The following ADGRV1 variants were observed in gnomAD, a reference collection of about 807,000 sequenced individuals.
The protein encoded by ADGRV1 is adhesion G protein-coupled receptor V1.
A neutral mutation model predicts 596.2 loss-of-function variants in ADGRV1; 359 were observed. That is an observed-to-expected ratio of 0.60 (90% CI 0.55 to 0.66). The LOEUF (loss-of-function observed/expected upper bound fraction) is 0.66. ADGRV1 is among the 30% of genes least tolerant of loss of function. The pLI, the probability that ADGRV1 is intolerant of heterozygous loss-of-function variation, is 0.00. For synonymous variants in ADGRV1, 2,681 were observed against 2,679.2 expected (o/e 1.00, Z -0.02); for missense variants, 7,274 against 7,575.6 (o/e 0.96, Z 1.48).
At chr5:90,909,956 T>C (rs996181324) in intron 83 of ADGRV1, among the ~76,000 whole-genome samples, 5 of 152,370 alleles carry the variant, frequency 3.3e-5, no homozygotes, top group African/African-American at 1.2e-4. Context: ...TCACCCCATG[T>C]GTCAGTTGGT....
chr5:91,078,377 A>T (rs1562187979), intron 86 of ADGRV1, among the ~76,000 whole-genome samples: 1 of 152,176 alleles, frequency 6.6e-6, no homozygotes, highest in Non-Finnish European at 1.5e-5. Context: ...GGTAAATAAA[A>T]TAAACTGTGT....
intron 67 of ADGRV1, 40 bp from the exon 68 acceptor site, chr5:90,788,031 T>C (rs1442044399): frequency 6.9e-7 from 1 of 1,441,796 alleles, no homozygotes; most frequent in Non-Finnish European, 9.2e-7. Flanking sequence ...TTAAAATTGA[T>C]CTCTATTAAA....
intron 45 of ADGRV1, 68 bp downstream of exon 45, chr5:90,721,127 T>C: frequency 2.9e-6 from 4 of 1,391,368 alleles, no homozygotes; most frequent in Non-Finnish European, 3.0e-6. Context: ...AGATTTATAT[T>C]TTTTCCTTTG....
At chr5:90,979,662 A>G (rs1414656981) in intron 84 of ADGRV1, among the ~76,000 whole-genome samples, 1 of 152,230 alleles carries the variant, frequency 6.6e-6, no homozygotes, top group East Asian at 1.9e-4. Flanking sequence ...TGCTAAAAAA[A>G]CATAGTCTGC....
At chr5:90,620,545 G>A (rs1373951849) in intron 4 of ADGRV1, among the ~76,000 whole-genome samples, 6 of 152,050 alleles carry the variant, frequency 3.9e-5, no homozygotes, top group African/African-American at 1.4e-4. Flanking sequence ...CATTCTGTAG[G>A]TTGCCTGTTC....
chr5:90,606,657 A>T (rs1580431004), intron 1 of ADGRV1, among the ~76,000 whole-genome samples: 1 of 152,202 alleles, frequency 6.6e-6, no homozygotes, highest in Non-Finnish European at 1.5e-5. Flanking sequence ...CACTACACCT[A>T]TCCATTCATT....
chr5:90,714,806 A>G (rs905693432), intron 42 of ADGRV1, among the ~76,000 whole-genome samples: 3 of 151,664 alleles, frequency 2.0e-5, no homozygotes, highest in Admixed American at 6.6e-5. Context: ...GTTTTGTTCT[A>G]TTTGCCTATT....
intron 85 of ADGRV1, among the ~76,000 whole-genome samples, chr5:91,066,332 C>T (rs1216785524): frequency 3.3e-5 from 5 of 152,126 alleles, no homozygotes; most frequent in African/African-American, 4.8e-5. Flanking sequence ...TGCTCTAATC[C>T]TCAAACTAAC....
At chr5:90,972,891 C>CA (rs200508403) in intron 84 of ADGRV1, among the ~76,000 whole-genome samples, 16,590 of 151,926 alleles carry the variant, frequency 0.11, 935 homozygotes, top group Middle Eastern at 0.18. Flanking sequence ...AAAAACCCTA[C>CA]AAAAAATCAA....
Position 90,783,304 on chromosome 5 carries a change from CCAT to C in ADGRV1, c.13416_13418del (p.Ile4473del), listed in dbSNP as rs1759058687. 4 of 1,610,782 alleles carry C rather than the reference CCAT, an allele frequency of 2.5e-6. No homozygotes were observed. Among genetic ancestry groups the C allele is most frequent in the Non-Finnish European group, 3.4e-6 (4 of 1,177,488 alleles). On this transcript the variant is annotated inframe_deletion, in exon 66 of 90. Coordinates refer to ENST00000405460, the MANE Select transcript of ADGRV1 (RefSeq NM_032119.4). ...CAAAACTTAAGTTTTATAAATATCT[CCAT>C]CATTGATGACAATGAAAGGTTGGTA...
chr5:90,762,993 T>G, intron 58 of ADGRV1: 2 of 194,352 alleles, frequency 1.0e-5, no homozygotes, highest in East Asian at 1.1e-4. Context: ...AAGTAGAGGA[T>G]GTGGGGTCTT....
intron 83 of ADGRV1, among the ~76,000 whole-genome samples, chr5:90,945,644 T>A (rs1330289515): frequency 1.3e-5 from 2 of 152,174 alleles, no homozygotes; most frequent in Non-Finnish European, 2.9e-5. Context: ...ATTGAACACC[T>A]ACTCTGATGC....
chr5:90,878,440 A>G (rs1445384678), intron 83 of ADGRV1, among the ~76,000 whole-genome samples: 1 of 152,214 alleles, frequency 6.6e-6, no homozygotes, highest in African/African-American at 2.4e-5. Context: ...TAAATTTAAC[A>G]TGGAATTCGA....
chr5:90,576,080 A>G lies in ADGRV1; in HGVS notation c.22+17163A>G, dbSNP rs532116059. On this transcript the variant is annotated intron_variant, in intron 1 of 89. Coordinates refer to ENST00000405460, the MANE Select transcript of ADGRV1 (RefSeq NM_032119.4). ...ATGCGCAATTCAGACAAGACATCCC[A>G]GCACTGCTTCCAGTCCTCTGCTTAA... Among the ~76,000 whole-genome samples the G allele has an allele frequency of 3.9e-5, 6 of 152,250 alleles. No homozygotes were observed. In the South Asian group the frequency reaches 1.2e-3, roughly 32 times the overall value.
chr5:90,761,661 T>C (rs1330957555), intron 58 of ADGRV1, among the ~76,000 whole-genome samples: 1 of 152,224 alleles, frequency 6.6e-6, no homozygotes, highest in East Asian at 1.9e-4. Context: ...TTAAGCACAC[T>C]TGTTCTGGGA....
chr5:90,729,749 C>G lies in ADGRV1; in HGVS notation c.10534C>G (p.Pro3512Ala). Reference sequence around the variant, plus strand: ...TGTTAACAGAATCCACTCCTTCACACCAGCCTCAGGAATAGGTAAGGACTT... The same window carrying G: ...TGTTAACAGAATCCACTCCTTCACAGCAGCCTCAGGAATAGGTAAGGACTT... ...AAVNRIHSFT[P>A]ASGIAHILLI... The change falls in exon 50 of 90, where the codon CCA becomes GCA. Residue 3512 changes from proline to alanine, a missense_variant. By Grantham distance (27) the Pro-to-Ala change is conservative. This residue lies in a region of ADGRV1 where 3,643 missense variants were observed against 3,809.2 expected (regional missense o/e 0.96). Transcript: ENST00000405460. 6.2e-7 allele frequency: 1 copy of G among 1,613,304 alleles called. No homozygotes were observed. Among genetic ancestry groups the G allele is most frequent in the Non-Finnish European group, 8.5e-7 (1 of 1,179,442 alleles).
chr5:90,588,992 G>A (rs1340503504), intron 1 of ADGRV1, among the ~76,000 whole-genome samples: 1 of 152,126 alleles, frequency 6.6e-6, no homozygotes, highest in Non-Finnish European at 1.5e-5. Flanking sequence ...AAAATTTTCA[G>A]TCAGAATAAT....
At chr5:90,964,081 T>C (rs917672173) in intron 83 of ADGRV1, among the ~76,000 whole-genome samples, 2 of 152,010 alleles carry the variant, frequency 1.3e-5, no homozygotes, top group African/African-American at 4.8e-5. Flanking sequence ...GCCCTACCAA[T>C]ACACTTGAGT....
chr5:90,900,581 CA>C (rs1293546965), intron 83 of ADGRV1, among the ~76,000 whole-genome samples: 3 of 151,144 alleles, frequency 2.0e-5, no homozygotes, highest in East Asian at 1.9e-4. Context: ...ATTTCAAGTG[CA>C]AAAAAAAATT....
Sources: allele counts gnomAD v4.1 joint callset (sites outside exome capture counted in the v4.1 genomes callset), GRCh38; gene constraint gnomAD v4.1.1; regional missense constraint gnomAD v4.1.1; transcripts MANE v1.5; gene names NCBI Gene and HGNC (gene_info 2026-07-23, HGNC 2026-07-21).